MBNL2: variants seen among roughly 807,000 people sequenced by gnomAD.
The protein encoded by MBNL2 is muscleblind like splicing regulator 2.
Under a neutral mutation model 41.9 loss-of-function variants are expected in MBNL2, and 17 were observed. The observed-to-expected ratio is 0.41, with a 90% CI of 0.28 to 0.61. The LOEUF is 0.61. MBNL2 is among the 20% of genes least tolerant of loss of function. The pLI, the probability that MBNL2 is intolerant of heterozygous loss-of-function variation, is 0.35. For missense variants in MBNL2, 336 were observed against 505.6 expected, an observed-to-expected ratio of 0.66 and a Z score of 3.22; for synonymous variants, 195 against 182.9, an observed-to-expected ratio of 1.07 and a Z score of -0.53.
chr13:97,366,636 A>AT lies in MBNL2; in HGVS notation c.1048+1474dup, dbSNP rs768725485. 184 of 867,210 alleles carry AT rather than the reference A, an allele frequency of 2.1e-4. No individual in the cohort carries two copies. Among genetic ancestry groups the AT allele is most frequent in the Non-Finnish European group, 2.5e-4 (132 of 520,142 alleles). 53.7% of individuals were successfully genotyped at this position (867,210 alleles called of 1,614,324 possible). ...TTTAAAAAAAAAATTCTCGGTGAGA[A>AT]TTTTTTTTTCATGTTTATCCATCAA... On this transcript the variant is annotated intron_variant, in intron 8 of 8. Transcript: ENST00000679496. The surrounding 1 kb of genome is among the most constrained non-coding windows in gnomAD (Gnocchi z 4.7).
chr13:97,260,356 G>A (rs945307506), intron 1 of MBNL2, among the ~76,000 whole-genome samples: 15 of 152,206 alleles, frequency 9.9e-5, no homozygotes, highest in Admixed American at 2.6e-4. Flanking sequence ...TGACAGTCCC[G>A]CTCTGTGAGG....
chr13:97,354,253 A>C (rs2062785030), intron 5 of MBNL2, among the ~76,000 whole-genome samples: 1 of 152,160 alleles, frequency 6.6e-6, no homozygotes. Context: ...GTGACCTGTG[A>C]GATCTGTTCT....
intron 2 of MBNL2, among the ~76,000 whole-genome samples, chr13:97,310,036 C>G (rs1191634793): frequency 6.6e-6 from 1 of 152,134 alleles, no homozygotes; most frequent in Non-Finnish European, 1.5e-5. Flanking sequence ...AAGTGGAGGC[C>G]TAGGAGGGTG....
At chr13:97,207,495 G>A in the MBNL2 span, among the ~76,000 whole-genome samples, 1 of 152,112 alleles carries the variant, frequency 6.6e-6, no homozygotes, top group South Asian at 2.1e-4. Flanking sequence ...CTCATGCAGG[G>A]GAACTCTTCT....
chr13:97,373,736 T>G lies in MBNL2; in HGVS notation c.1048+8565T>G, dbSNP rs1594284128. On this transcript the variant is annotated intron_variant, in intron 8 of 8. Transcript: ENST00000679496. ...TCTCTTCAAGAAATTAGAAAATAAGTAGACAATAGACTTTTTATTTTCCTG... is the reference window on the plus strand; with the variant it reads ...TCTCTTCAAGAAATTAGAAAATAAGGAGACAATAGACTTTTTATTTTCCTG... Among the ~76,000 whole-genome samples, 4 of 152,132 alleles carry G rather than the reference T, an allele frequency of 2.6e-5. No individual in the cohort carries two copies. In the East Asian group the frequency reaches 7.7e-4, roughly 29 times the overall value.
At chr13:97,242,067 CCA>C (rs2044396510) in intron 1 of MBNL2, among the ~76,000 whole-genome samples, 1 of 152,062 alleles carries the variant, frequency 6.6e-6, no homozygotes, top group African/African-American at 2.4e-5. Flanking sequence ...GCCCATGTTC[CCA>C]CAACTCGGAG....
chr13:97,193,748 G>C, the MBNL2 span, among the ~76,000 whole-genome samples: 1 of 152,128 alleles, frequency 6.6e-6, no homozygotes, highest in African/African-American at 2.4e-5. Context: ...GACTTTAGTG[G>C]TGGTAGGAGA....
chr13:97,344,647 A>G (rs1362582831), intron 4 of MBNL2, among the ~76,000 whole-genome samples: 1 of 152,230 alleles, frequency 6.6e-6, no homozygotes, highest in Non-Finnish European at 1.5e-5. Flanking sequence ...AATTGTTACT[A>G]TTTTGAAAAG....
chr13:97,154,526 G>A, the MBNL2 span, among the ~76,000 whole-genome samples: 1 of 152,096 alleles, frequency 6.6e-6, no homozygotes, highest in African/African-American at 2.4e-5. Flanking sequence ...ATGTTAACCA[G>A]CCTGGTCTTG....
chr13:97,371,249 TTTAC>T (rs1243609393), intron 8 of MBNL2, among the ~76,000 whole-genome samples: 3 of 152,172 alleles, frequency 2.0e-5, no homozygotes, highest in Non-Finnish European at 2.9e-5. Context: ...GATCATTTAA[TTTAC>T]TTAATCACAT....
intron 2 of MBNL2, among the ~76,000 whole-genome samples, chr13:97,308,444 T>A (rs984861890): frequency 1.3e-5 from 2 of 152,216 alleles, no homozygotes; most frequent in African/African-American, 4.8e-5. Flanking sequence ...TCTGGGTATT[T>A]ACTTTTCTTT....
At chr13:97,142,599 T>C in the MBNL2 span, among the ~76,000 whole-genome samples, 1 of 152,258 alleles carries the variant, frequency 6.6e-6, no homozygotes, top group Non-Finnish European at 1.5e-5. Flanking sequence ...TGGAAGAGTC[T>C]ATGGCTGGCT....
the MBNL2 span, among the ~76,000 whole-genome samples, chr13:97,161,231 G>A: frequency 4.8e-4 from 73 of 152,308 alleles, no homozygotes; most frequent in South Asian, 4.6e-3. Flanking sequence ...ATTCAATCCC[G>A]CTGGAGTGCA....
At chr13:97,171,165 C>T in the MBNL2 span, among the ~76,000 whole-genome samples, 93 of 152,296 alleles carry the variant, frequency 6.1e-4, 1 homozygote, top group East Asian at 4.2e-3. Flanking sequence ...CAACTATGCC[C>T]ACTTAAGTGT....
chr13:97,263,185 C>T (rs149521565), intron 1 of MBNL2, among the ~76,000 whole-genome samples: 7 of 152,292 alleles, frequency 4.6e-5, no homozygotes, highest in East Asian at 3.9e-4. Context: ...GTAACACCTC[C>T]GTTTTGTTCT....
chr13:97,280,166 A>G (rs181752910), intron 2 of MBNL2, among the ~76,000 whole-genome samples: 277 of 152,310 alleles, frequency 1.8e-3, no homozygotes, highest in African/African-American at 6.3e-3. Flanking sequence ...TGATGCTTTT[A>G]CGATCCATGA....
At chr13:97,291,202 T>C (rs1431061302) in intron 2 of MBNL2, among the ~76,000 whole-genome samples, 1 of 151,970 alleles carries the variant, frequency 6.6e-6, no homozygotes, top group Non-Finnish European at 1.5e-5. Context: ...CAGAGGTAGG[T>C]AGATGTGTGG....
At chr13:97,177,572 T>C in the MBNL2 span, among the ~76,000 whole-genome samples, 1 of 152,062 alleles carries the variant, frequency 6.6e-6, no homozygotes, top group Admixed American at 6.6e-5. Context: ...AGGAGACCAA[T>C]GCATTAGGTC....
intron 1 of MBNL2, among the ~76,000 whole-genome samples, chr13:97,242,394 C>T (rs948506606): frequency 1.3e-5 from 2 of 152,170 alleles, no homozygotes; most frequent in African/African-American, 4.8e-5. Flanking sequence ...TGTTGACTCC[C>T]TGGTGCAGGT....
Sources: gnomAD v4.1 joint callset for allele counts (sites outside exome capture counted in the v4.1 genomes callset) on GRCh38, gnomAD v4.1.1 for gene constraint, Gnocchi (gnomAD v3.1) non-coding constraint, MANE v1.5 for transcripts, NCBI Gene and HGNC (gene_info 2026-07-23, HGNC 2026-07-21) for gene names.